The following BMPR1B variants were observed in gnomAD, a reference collection of about 807,000 sequenced individuals.
The protein encoded by BMPR1B is bone morphogenetic protein receptor type-1B.
Under a neutral mutation model 59.1 loss-of-function variants are expected in BMPR1B, and 12 were observed. The ratio of observed to expected loss-of-function variants is 0.20; its 90% CI spans 0.13 to 0.33. BMPR1B has a LOEUF of 0.33. Among genes scored for constraint, BMPR1B ranks in the 10% least tolerant of loss-of-function variants. The pLI is 1.00. For missense variants in BMPR1B, 550 were observed against 610.9 expected (o/e 0.90, Z 1.05); for synonymous variants, 237 against 207.3 (o/e 1.14, Z -1.23).
chr4:95,067,574 G>T (rs944938291), intron 3 of BMPR1B, among the ~76,000 whole-genome samples: 4 of 152,134 alleles, frequency 2.6e-5, no homozygotes, highest in Admixed American at 6.5e-5. Flanking sequence ...TCTCTGCCCT[G>T]CATGAACAGC....
intron 1 of BMPR1B, among the ~76,000 whole-genome samples, chr4:94,868,124 A>G (rs1313287724): frequency 6.6e-6 from 1 of 151,616 alleles, no homozygotes; most frequent in Non-Finnish European, 1.5e-5. Flanking sequence ...CAGCCTCCCA[A>G]AGTGCTGGGA....
At chr4:94,829,248 C>T (rs1174601681) in intron 1 of BMPR1B, among the ~76,000 whole-genome samples, 2 of 151,768 alleles carry the variant, frequency 1.3e-5, no homozygotes, top group Non-Finnish European at 1.5e-5. Context: ...TAAGCTTTCT[C>T]TCTCAATTTA....
At chr4:95,012,565 T>C (rs1016639161) in intron 3 of BMPR1B, among the ~76,000 whole-genome samples, 4 of 152,212 alleles carry the variant, frequency 2.6e-5, no homozygotes, top group African/African-American at 9.6e-5. Context: ...TGTACTTTGA[T>C]GTAAATGTAC....
At chr4:95,152,562 C>G (rs1022151430) in intron 11 of BMPR1B, 81 bp from the exon 12 acceptor site, 1 of 1,300,872 alleles carries the variant, frequency 7.7e-7, no homozygotes, top group African/African-American at 1.5e-5. Context: ...AGCACTTTTC[C>G]TTTGAGAACT....
At chr4:94,830,295 A>G (rs1002626118) in intron 1 of BMPR1B, among the ~76,000 whole-genome samples, 8 of 152,170 alleles carry the variant, frequency 5.3e-5, no homozygotes, top group Non-Finnish European at 1.2e-4. Context: ...TTTTAACACG[A>G]TATGTGATTA....
At chr4:95,127,235 T>C (rs1732973739) in intron 8 of BMPR1B, among the ~76,000 whole-genome samples, 1 of 152,158 alleles carries the variant, frequency 6.6e-6, no homozygotes, top group Admixed American at 6.6e-5. Flanking sequence ...TCTAAAAAGT[T>C]GGTATCTAAG....
chr4:94,798,844 G>A (rs1486226151), intron 1 of BMPR1B, among the ~76,000 whole-genome samples: 3 of 151,682 alleles, frequency 2.0e-5, no homozygotes, highest in East Asian at 1.9e-4. Context: ...TCCCTTCCCC[G>A]CAGTGTTTTC....
At position 95,099,059 on chromosome 4, in the gene BMPR1B, T is replaced by A. The variant is rs72672710; in HGVS notation, c.-17-5349T>A. 3.8e-3 allele frequency among the ~76,000 whole-genome samples: 572 copies of A among 152,284 alleles called. 2 individuals carry two copies. The highest frequency in any genetic ancestry group is 6.8e-3 in the Non-Finnish European group (466 of 68,030). On this transcript the variant is annotated intron_variant, in intron 3 of 12. Coordinates refer to ENST00000515059, the MANE Select transcript of BMPR1B (RefSeq NM_001203.3). ...ATCAGGTGATTGGAAATATTGTGAC[T>A]TGTGCAGATTGTAGATTATAGAATG...
chr4:94,806,259 A>G (rs1230531231), intron 1 of BMPR1B, among the ~76,000 whole-genome samples: 1 of 152,138 alleles, frequency 6.6e-6, no homozygotes, highest in South Asian at 2.1e-4. Flanking sequence ...TTTTGACAGT[A>G]AGTTTTCTGC....
chr4:94,859,300 T>A (rs1725889316), intron 1 of BMPR1B, among the ~76,000 whole-genome samples: 2 of 152,178 alleles, frequency 1.3e-5, no homozygotes, highest in South Asian at 2.1e-4. Context: ...AACAGGATTT[T>A]AAAAAAACTT....
intron 3 of BMPR1B, among the ~76,000 whole-genome samples, chr4:95,085,181 C>G (rs938978728): frequency 6.6e-6 from 1 of 152,038 alleles, no homozygotes; most frequent in Non-Finnish European, 1.5e-5. Context: ...TGATCATAAC[C>G]CAAGAAGGAA....
intron 2 of BMPR1B, among the ~76,000 whole-genome samples, chr4:94,914,562 T>TA (rs1728410525): frequency 1.3e-5 from 2 of 152,058 alleles, no homozygotes; most frequent in Non-Finnish European, 1.5e-5. Context: ...GGATAAGAAT[T>TA]ACGGATTCTG....
At chr4:94,786,121 A>G (rs944111002) in intron 1 of BMPR1B, among the ~76,000 whole-genome samples, 2 of 152,186 alleles carry the variant, frequency 1.3e-5, no homozygotes, top group Non-Finnish European at 2.9e-5. Context: ...TAATTCGGGT[A>G]TTATGGAAAC....
intron 4 of BMPR1B, among the ~76,000 whole-genome samples, chr4:95,109,083 A>C (rs1560659760): frequency 1.3e-5 from 2 of 152,014 alleles, no homozygotes; most frequent in Non-Finnish European, 2.9e-5. Context: ...CTGTAATCAC[A>C]TTTTTGTTTC....
intron 3 of BMPR1B, among the ~76,000 whole-genome samples, chr4:95,093,868 A>G (rs536080808): frequency 1.7e-4 from 26 of 152,182 alleles, no homozygotes; most frequent in Admixed American, 1.4e-3. Context: ...TAACCTACTC[A>G]TTAGTGTTGA....
intron 1 of BMPR1B, among the ~76,000 whole-genome samples, chr4:94,817,081 T>C (rs972259466): frequency 2.6e-5 from 4 of 152,128 alleles, no homozygotes; most frequent in Non-Finnish European, 1.5e-5. Context: ...ACATCGTTCC[T>C]CCCCTCCAGA....
intron 1 of BMPR1B, among the ~76,000 whole-genome samples, chr4:94,831,352 C>G (rs1187902753): frequency 6.7e-6 from 1 of 150,360 alleles, no homozygotes; most frequent in Non-Finnish European, 1.5e-5. Flanking sequence ...GCAAAAGTGT[C>G]AGAAAGTTAC....
At chr4:95,073,699 A>G (rs1283033820) in intron 3 of BMPR1B, among the ~76,000 whole-genome samples, 1 of 152,210 alleles carries the variant, frequency 6.6e-6, no homozygotes, top group Non-Finnish European at 1.5e-5. Context: ...TGAGCCTTTC[A>G]ATAAACATCT....
At chr4:95,062,531 T>A (rs1224802004) in intron 3 of BMPR1B, among the ~76,000 whole-genome samples, 1 of 152,144 alleles carries the variant, frequency 6.6e-6, no homozygotes, top group African/African-American at 2.4e-5. Flanking sequence ...GAATGGAGCA[T>A]CTTTTTTTTC....
Sources: allele counts gnomAD v4.1 joint callset (sites outside exome capture counted in the v4.1 genomes callset), GRCh38; gene constraint gnomAD v4.1.1; transcripts MANE v1.5; gene names NCBI Gene and HGNC (gene_info 2026-07-23, HGNC 2026-07-21).